The following ANO8 variants were observed in gnomAD, a reference collection of about 807,000 sequenced individuals.
ANO8 encodes the protein anoctamin 8.
ANO8 carries 67 observed loss-of-function variants against 120.4 expected under a neutral mutation model. The ratio of observed to expected loss-of-function variants is 0.56; its 90% CI spans 0.46 to 0.68. The LOEUF is 0.68. Ranked by LOEUF, ANO8 falls within the 30% of genes least tolerant of loss-of-function variation. The pLI is 0.00. For missense variants in ANO8, 1,526 were observed against 1,737.6 expected (o/e 0.88, Z 2.16); for synonymous variants, 727 against 759.2 (o/e 0.96, Z 0.70).
chr19:17,333,308 T>C lies in ANO8; in HGVS notation c.351-69A>G. 1 of 1,601,510 alleles carries C rather than the reference T, an allele frequency of 6.2e-7. No individual in the cohort carries two copies. Among genetic ancestry groups the C allele is most frequent in the Non-Finnish European group, 8.5e-7 (1 of 1,172,072 alleles). ...CCCACCATCCTGGAGCTGAGGATGG[T>C]GCACCTGGCAGCCTTTGGGACAAAC... On this transcript the variant is annotated intron_variant, in intron 3 of 17. Transcript: ENST00000159087. The surrounding 1 kb of genome is among the most constrained non-coding windows in gnomAD (Gnocchi z 7.2).
Position 17,328,705 on chromosome 19 carries a change from C to T in ANO8, c.1683G>A (p.Leu561=). 7.2e-7 allele frequency: 1 copy of T among 1,390,032 alleles called. No individual in the cohort carries two copies. The highest frequency in any genetic ancestry group is 9.4e-7 in the Non-Finnish European group (1 of 1,064,772). 86.1% of individuals were successfully genotyped at this position (1,390,032 alleles called of 1,614,324 possible). A position where few individuals can be genotyped will look rare whatever the true frequency, so the allele number is the denominator to read the frequency against. ...CTTCCCCCGCCCGCCGCCGCTCCAC[C>T]AGCGCCGCCTCCTCCTCCTCCTCCG... ...GAPEEEEEAA[L]VERRRAGEGG... Residue 561 remains leucine, a synonymous_variant, in exon 13 of 18, where the codon CTG becomes CTA. Transcript: ENST00000159087.
Position 17,328,585 on chromosome 19 carries a change from CTCCTCCTCG to C in ANO8, c.1794_1802del (p.Asp598_Glu600del). On this transcript the variant is annotated inframe_deletion, in exon 13 of 18. Coordinates refer to ENST00000159087, the MANE Select transcript of ANO8 (RefSeq NM_020959.3). ...AGTCCAGGAGGCCCCCTTCCTCGCC[CTCCTCCTCG>C]TCCTCCTCTTCCTCCTCGTCCTCCT... The C allele has an allele frequency of 6.5e-7, 1 of 1,546,712 alleles. No individual in the cohort carries two copies. Among genetic ancestry groups the C allele is most frequent in the Non-Finnish European group, 8.7e-7 (1 of 1,146,012 alleles).
At position 17,330,482 on chromosome 19, in the gene ANO8, A is replaced by G. The variant is rs765560569; in HGVS notation, c.1016T>C (p.Ile339Thr). The change falls in exon 9 of 18, where the codon ATC becomes ACC. Residue 339 changes from isoleucine (I) to threonine (T), a missense_variant. Physicochemically the swap from Ile to Thr is moderately conservative, Grantham distance 89. This residue lies in a region of ANO8 where 322 missense variants were observed against 431.8 expected (regional missense o/e 0.75). Transcript: ENST00000159087. ...GTAGTAGAACTCCTCGGCCCGCGTG[A>G]TGGGGCTGATACGTCGCACGCCCTG... is the stretch of plus-strand genomic sequence containing the variant. ...QFRGVRRISPITRAEEFYYPP... is the reference protein window; with the variant it reads ...QFRGVRRISPTTRAEEFYYPP... 4.5e-6 allele frequency: 7 copies of G among 1,545,108 alleles called. No homozygotes were observed. The highest frequency in any genetic ancestry group is 1.7e-4 in the Middle Eastern group (1 of 5,902).
At chr19:17,325,440 G>A in intron 16 of ANO8, 54 bp from the exon 17 acceptor site, 1 of 1,515,078 alleles carries the variant, frequency 6.6e-7, no homozygotes, top group South Asian at 1.3e-5. Flanking sequence ...GTTAGCGGGT[G>A]CCAGCTGAGG....
chr19:17,327,352 G>A lies in ANO8; in HGVS notation c.2551-7C>T, dbSNP rs967980362. On this transcript the variant is annotated splice_polypyrimidine_tract_variant and splice_region_variant and intron_variant, in intron 15 of 17. Transcript: ENST00000159087. ...TGAGGAGCAGAGCGAAGTGCTGCAG[G>A]GGTGGCAGAGAGGAGGCTGCAGGCT... 18 of 1,549,536 alleles carry A rather than the reference G, an allele frequency of 1.2e-5. No individual in the cohort carries two copies. The highest frequency in any genetic ancestry group is 2.7e-5 in the African/African-American group (2 of 73,058).
chr19:17,333,484 C>T lies in ANO8; in HGVS notation c.288G>A (p.Val96=), dbSNP rs201782483. The T allele has an allele frequency of 1.4e-5, 23 of 1,613,230 alleles. No individual in the cohort carries two copies. The East Asian group carries it at 4.7e-4, about 33-fold the overall frequency. Residue 96 remains valine (V), a synonymous_variant, in exon 3 of 18, where the codon GTG becomes GTA. Coordinates refer to ENST00000159087, the MANE Select transcript of ANO8 (RefSeq NM_020959.3). This position sits in a 1 kb window ranked among gnomAD's most constrained non-coding sequence, Gnocchi z 7.2. ...HIRVGIPELI[V]QVRHHRHTRA... ...GCGTGTGGCGGTGGTGGCGGACTTG[C>T]ACGATGAGCTCGGGAATGCCCACGC...
In ANO8 at chr19:17,328,712, G is replaced by GCCT. The variant is rs1332029454; in HGVS notation, c.1673_1675dup (p.Glu558dup). The GCCT allele has an allele frequency of 3.4e-5, 42 of 1,245,838 alleles. No homozygotes were observed. The highest frequency in any genetic ancestry group is 3.9e-5 in the Non-Finnish European group (37 of 954,886). The allele number at this position is 1,245,838 out of a possible 1,614,324, so 77.2% of individuals were successfully genotyped here. A position where few individuals can be genotyped will look rare whatever the true frequency, so the allele number is the denominator to read the frequency against. ...CGCCCGCCGCCGCTCCACCAGCGCC[G>GCCT]CCTCCTCCTCCTCCTCCGGCGCCCC... On this transcript the variant is annotated inframe_insertion, in exon 13 of 18. Transcript: ENST00000159087.
At position 17,333,134 on chromosome 19, in the gene ANO8, A is replaced by G. The variant is rs1160497467; in HGVS notation, c.456T>C (p.Asn152=). ...FSCEEDFIYE[N]VESELRFFTS... is the part of the protein sequence containing the mutation. Reference sequence around the variant, plus strand: ...TGAAGAAGCGTAGCTCGCTCTCCACATTCTCATAGATAAAGTCCTCCTCGC... The same window carrying G: ...TGAAGAAGCGTAGCTCGCTCTCCACGTTCTCATAGATAAAGTCCTCCTCGC... Residue 152 remains asparagine, a synonymous_variant, in exon 4 of 18, where the codon AAT becomes AAC. Coordinates refer to ENST00000159087, the MANE Select transcript of ANO8 (RefSeq NM_020959.3). The surrounding 1 kb of genome is among the most constrained non-coding windows in gnomAD (Gnocchi z 7.2). 5.6e-6 allele frequency: 9 copies of G among 1,613,934 alleles called. No homozygotes were observed. The highest frequency in any genetic ancestry group is 1.3e-5 in the African/African-American group (1 of 74,958).
Position 17,329,943 on chromosome 19 carries a change from G to C in ANO8, c.1329+16C>G. On this transcript the variant is annotated intron_variant, in intron 11 of 17. Transcript: ENST00000159087. ...TTCCCCGTTGTCCCCCTGCCTGTCC[G>C]ATGGTGGTGACTCACCAGGACAACT... The C allele has an allele frequency of 6.2e-7, 1 of 1,614,082 alleles. No homozygotes were observed.
intron 14 of ANO8, 28 bp from the exon 15 acceptor site, chr19:17,327,597 G>A (rs983399802): frequency 6.2e-6 from 10 of 1,611,662 alleles, no homozygotes; most frequent in Middle Eastern, 1.6e-4. Context: ...GGCTCAGGCG[G>A]GGTCCAGCCG....
At chr19:17,327,382 ACGCTGGGGC>A (rs1286250870) in intron 15 of ANO8, 37 bp from the exon 16 acceptor site, 3 of 1,552,408 alleles carry the variant, frequency 1.9e-6, no homozygotes, top group African/African-American at 1.4e-5. Context: ...CAGGCTGCAG[ACGCTGGGGC>A]CGCCCTCTCG....
chr19:17,328,323 G>A lies in ANO8; in HGVS notation c.2065C>T (p.Gln689Ter). The A allele has an allele frequency of 6.3e-7, 1 of 1,593,512 alleles. No individual in the cohort carries two copies. The highest frequency in any genetic ancestry group is 8.5e-7 in the Non-Finnish European group (1 of 1,172,680). ...FRRAGGEGRDQGPDGGPDPEP... is the reference protein window; with the variant it reads ...FRRAGGEGRD ...GGGTCCGGGCCCCCGTCGGGCCCCT[G>A]GTCTCGGCCCTCGCCCCCGGCCCGG... The change falls in exon 13 of 18, where the codon CAG (glutamine) becomes TAG (stop). Residue 689 changes from glutamine (Q) to a stop codon, truncating the protein, a stop_gained. Coordinates refer to ENST00000159087, the MANE Select transcript of ANO8 (RefSeq NM_020959.3). LOFTEE classifies it high-confidence loss of function.
In ANO8 at chr19:17,328,893, C is replaced by G. The variant is rs775160939; in HGVS notation, c.1495G>C (p.Glu499Gln). The G allele has an allele frequency of 2.0e-6, 3 of 1,504,290 alleles. No individual in the cohort carries two copies. Among genetic ancestry groups the G allele is most frequent in the Non-Finnish European group, 1.8e-6 (2 of 1,130,364 alleles). The allele number at this position is 1,504,290 out of a possible 1,614,324, so 93.2% of individuals were successfully genotyped here. ...PHLYRRLGRG[E>Q]LGLRAVWELA... The stretch of plus-strand genomic sequence containing the variant: ...TCCCAGACGGCCCGCAGGCCCAGCT[C>G]GCCGCGGCCCAGGCGCCGGTACAGG... The change falls in exon 13 of 18, where the codon GAG becomes CAG. Residue 499 changes from glutamate (E) to glutamine (Q), a missense_variant. Around this residue, in one of 8 missense-constraint regions of ANO8, gnomAD observed 467 missense variants for 425.8 expected, o/e 1.10. Transcript: ENST00000159087.
At position 17,329,707 on chromosome 19, in the gene ANO8, G is replaced by A. The variant is rs554879544; in HGVS notation, c.1404+50C>T. On this transcript the variant is annotated intron_variant, in intron 12 of 17. Coordinates refer to ENST00000159087, the MANE Select transcript of ANO8 (RefSeq NM_020959.3). ...CCCCTTGTGCCGGGTCTGGCCCCTC[G>A]CTGGCCGCCATGGGGGCAGGGGGGA... 67 of 1,509,346 alleles carry A rather than the reference G, an allele frequency of 4.4e-5. No homozygotes were observed. In the African/African-American group the frequency reaches 6.0e-4, roughly 14 times the overall value. The allele number at this position is 1,509,346 out of a possible 1,614,324, so 93.5% of individuals were successfully genotyped here. A position where few individuals can be genotyped will look rare whatever the true frequency, so the allele number is the denominator to read the frequency against.
Position 17,333,032 on chromosome 19 carries a change from A to T in ANO8, c.490-6T>A. On this transcript the variant is annotated splice_polypyrimidine_tract_variant and splice_region_variant and intron_variant, in intron 4 of 17. Coordinates refer to ENST00000159087, the MANE Select transcript of ANO8 (RefSeq NM_020959.3). This position sits in a 1 kb window ranked among gnomAD's most constrained non-coding sequence, Gnocchi z 7.2. ...CGGATGATGCTCTGGCGTTCCTGCGAGGAAGAGGGCGTGAGCTCAGGGAAC... is the reference window on the plus strand; with the variant it reads ...CGGATGATGCTCTGGCGTTCCTGCGTGGAAGAGGGCGTGAGCTCAGGGAAC... The T allele has an allele frequency of 6.2e-7, 1 of 1,614,106 alleles. No individual in the cohort carries two copies. The highest frequency in any genetic ancestry group is 8.5e-7 in the Non-Finnish European group (1 of 1,180,034).
Position 17,333,437 on chromosome 19 carries a change from G to C in ANO8, c.335C>G (p.Thr112Ser). ...RHTRAYAFFVTATYESLLRGA... is the reference protein window; with the variant it reads ...RHTRAYAFFVSATYESLLRGA... The stretch of plus-strand genomic sequence containing the variant: ...GGGGACTCGCCTCTCATACGTGGCG[G>C]TGACAAAGAAGGCGTAGGCACGCGT... The change falls in exon 3 of 18, where the codon ACC becomes AGC. Residue 112 changes from threonine to serine, a missense_variant. By Grantham distance (58) the Thr-to-Ser change is moderately conservative (BLOSUM62 1). This residue lies in a region of ANO8 where 322 missense variants were observed against 431.8 expected (regional missense o/e 0.75). Coordinates refer to ENST00000159087, the MANE Select transcript of ANO8 (RefSeq NM_020959.3). The surrounding 1 kb of genome is among the most constrained non-coding windows in gnomAD (Gnocchi z 7.2). 1 of 1,613,832 alleles carries C rather than the reference G, an allele frequency of 6.2e-7. No homozygotes were observed. The highest frequency in any genetic ancestry group is 1.1e-5 in the South Asian group (1 of 91,088).
At position 17,333,703 on chromosome 19, in the gene ANO8, C is replaced by A. The variant is rs2074338407; in HGVS notation, c.204G>T (p.Leu68=). 6.2e-7 allele frequency: 1 copy of A among 1,600,756 alleles called. No individual in the cohort carries two copies. The highest frequency in any genetic ancestry group is 8.5e-7 in the Non-Finnish European group (1 of 1,175,062). Reference sequence around the variant, plus strand: ...GGGCTTGGGTACCTGGGAAGGTCATCAGCACGTCGCAGTTCTCTGTAGGCA... The same window carrying A: ...GGGCTTGGGTACCTGGGAAGGTCATAAGCACGTCGCAGTTCTCTGTAGGCA... ...KTVPTENCDV[L]MTFPDTTDDH... Residue 68 remains leucine (L), a synonymous_variant, in exon 2 of 18, where the codon CTG becomes CTT. Coordinates refer to ENST00000159087, the MANE Select transcript of ANO8 (RefSeq NM_020959.3). The surrounding 1 kb of genome is among the most constrained non-coding windows in gnomAD (Gnocchi z 7.2).
In ANO8 at chr19:17,324,828, G is replaced by C. The variant is rs893889451; in HGVS notation, c.3220C>G (p.Arg1074Gly). 2 of 1,610,306 alleles carry C rather than the reference G, an allele frequency of 1.2e-6. No individual in the cohort carries two copies. The highest frequency in any genetic ancestry group is 8.5e-7 in the Non-Finnish European group (1 of 1,178,420). The change falls in exon 17 of 18, where the codon CGG becomes GGG. Residue 1074 changes from arginine (R) to glycine (G), a missense_variant. Transcript: ENST00000159087. ...PGSNGAGGQARPDGTPSSGSS... is the reference protein window; with the variant it reads ...PGSNGAGGQAGPDGTPSSGSS... ...CCACTGCTGGGGGTCCCATCTGGCCGGGCCTGCCCGCCCGCCCCGTTGGAC... is the reference window on the plus strand; with the variant it reads ...CCACTGCTGGGGGTCCCATCTGGCCCGGCCTGCCCGCCCGCCCCGTTGGAC...
At chr19:17,329,199 C>T (rs2074298720) in intron 12 of ANO8, 1 of 479,854 alleles carries the variant, frequency 2.1e-6, no homozygotes, top group South Asian at 3.1e-5. Flanking sequence ...CCTCGCCCAC[C>T]TCACGGGCAG....
Sources: allele counts gnomAD v4.1 joint callset, GRCh38; gene constraint gnomAD v4.1.1; regional missense constraint gnomAD v4.1.1; non-coding constraint Gnocchi (gnomAD v3.1); transcripts MANE v1.5; gene names NCBI Gene and HGNC (gene_info 2026-07-23, HGNC 2026-07-21).